Variants in SMAP1 observed in about 807,000 individuals in gnomAD.
SMAP1 encodes small ArfGAP 1.
SMAP1 carries 24 observed loss-of-function variants against 58.5 expected under a neutral mutation model. That is an observed-to-expected ratio of 0.41 (90% CI 0.30 to 0.58). SMAP1 has a LOEUF of 0.58. Ranked by LOEUF, SMAP1 falls within the 20% of genes least tolerant of loss-of-function variation. SMAP1 has a pLI of 0.29. For synonymous variants in SMAP1, 216 were observed against 196.6 expected (o/e 1.10, Z -0.82); for missense variants, 563 against 566.3 (o/e 0.99, Z 0.06).
chr6:70,752,726 T>C lies in SMAP1; in HGVS notation c.253-2254T>C, dbSNP rs979579621. ...CCAATCTTTCATTTTCACTGGTTCT[T>C]TCACTGCTCCCCTACCTCCCACCCT... On this transcript the variant is annotated intron_variant, in intron 2 of 10. Transcript: ENST00000370455. 2.4e-4 allele frequency among the ~76,000 whole-genome samples: 36 copies of C among 152,020 alleles called. 1 individual carries two copies. Among genetic ancestry groups the C allele is most frequent in the Admixed American group, 2.0e-3 (31 of 15,248 alleles).
chr6:70,858,727 G>C (rs1401982906), intron 10 of SMAP1: 1 of 153,300 alleles, frequency 6.5e-6, no homozygotes, highest in Non-Finnish European at 1.5e-5. Flanking sequence ...TTTCAGGTCG[G>C]ATGATTACTG....
At chr6:70,691,999 A>G (rs1767189462) in intron 1 of SMAP1, among the ~76,000 whole-genome samples, 1 of 152,238 alleles carries the variant, frequency 6.6e-6, no homozygotes, top group Admixed American at 6.5e-5. Context: ...GCTGGATCGT[A>G]TGGTAGGTCT....
intron 4 of SMAP1, among the ~76,000 whole-genome samples, chr6:70,775,750 C>T (rs1245243679): frequency 2.0e-5 from 3 of 151,906 alleles, no homozygotes; most frequent in Non-Finnish European, 4.4e-5. Context: ...GTTTATAGTA[C>T]TATTGAAATA....
Position 70,676,850 on chromosome 6 carries a change from A to G in SMAP1, c.118+8709A>G, listed in dbSNP as rs537121575. 9.5e-4 allele frequency among the ~76,000 whole-genome samples: 145 copies of G among 152,088 alleles called. 1 individual carries two copies. The highest frequency in any genetic ancestry group is 4.9e-4 in the Non-Finnish European group (33 of 68,028). Reference sequence around the variant, plus strand: ...CAGGCTGGGGTGCAGTGGCGTGATCATAGCCCATTGCGGCCTCTAACTTCT... The same window carrying G: ...CAGGCTGGGGTGCAGTGGCGTGATCGTAGCCCATTGCGGCCTCTAACTTCT... On this transcript the variant is annotated intron_variant, in intron 1 of 10. Coordinates refer to ENST00000370455, the MANE Select transcript of SMAP1 (RefSeq NM_001044305.3).
intron 1 of SMAP1, among the ~76,000 whole-genome samples, chr6:70,684,502 TA>T (rs1766852687): frequency 6.6e-6 from 1 of 152,230 alleles, no homozygotes; most frequent in Admixed American, 6.5e-5. Flanking sequence ...TCTTAAAAAT[TA>T]AGCTTCATTT....
intron 2 of SMAP1, among the ~76,000 whole-genome samples, chr6:70,749,324 TG>T (rs1766179483): frequency 6.6e-6 from 1 of 152,118 alleles, no homozygotes; most frequent in Admixed American, 6.6e-5. Context: ...ACCTGACGTG[TG>T]GGTATTACGA....
At chr6:70,800,819 A>C (rs894132656) in intron 6 of SMAP1, among the ~76,000 whole-genome samples, 38 of 152,256 alleles carry the variant, frequency 2.5e-4, no homozygotes, top group African/African-American at 8.9e-4. Flanking sequence ...TTCCAGCTTC[A>C]TCCATGTCCC....
intron 1 of SMAP1, among the ~76,000 whole-genome samples, chr6:70,728,746 C>T (rs966709882): frequency 1.3e-5 from 2 of 152,116 alleles, no homozygotes; most frequent in Non-Finnish European, 2.9e-5. Flanking sequence ...TAGAGGAAAA[C>T]AGGAAACTGT....
chr6:70,757,656 C>G, intron 3 of SMAP1, among the ~76,000 whole-genome samples: 1 of 151,892 alleles, frequency 6.6e-6, no homozygotes, highest in Admixed American at 6.6e-5. Flanking sequence ...CTACAATGAA[C>G]TCAAACAAAT....
intron 1 of SMAP1, among the ~76,000 whole-genome samples, chr6:70,687,689 T>G (rs1483715264): frequency 6.6e-6 from 1 of 152,148 alleles, no homozygotes; most frequent in Non-Finnish European, 1.5e-5. Flanking sequence ...CATAGACACT[T>G]GACCCAGTTT....
At chr6:70,816,045 T>G (rs1178187869) in intron 6 of SMAP1, among the ~76,000 whole-genome samples, 1 of 152,074 alleles carries the variant, frequency 6.6e-6, no homozygotes, top group Non-Finnish European at 1.5e-5. Context: ...TATGATACAA[T>G]AGGAGACAGA....
At chr6:70,777,395 TG>T (rs1767591234) in intron 4 of SMAP1, among the ~76,000 whole-genome samples, 1 of 152,218 alleles carries the variant, frequency 6.6e-6, no homozygotes, top group South Asian at 2.1e-4. Context: ...TTTATGTACT[TG>T]TTGGCCATTT....
chr6:70,785,026 A>C (rs987828955), intron 4 of SMAP1, among the ~76,000 whole-genome samples: 2 of 152,178 alleles, frequency 1.3e-5, no homozygotes, highest in African/African-American at 4.8e-5. Flanking sequence ...CACCACACCT[A>C]TTCCCAAATT....
chr6:70,772,289 T>C (rs903829642), intron 3 of SMAP1, among the ~76,000 whole-genome samples: 1 of 152,204 alleles, frequency 6.6e-6, no homozygotes, highest in Non-Finnish European at 1.5e-5. Flanking sequence ...GCCTCAACTG[T>C]CATTTTAAAA....
chr6:70,786,489 A>C (rs1343239032), intron 4 of SMAP1, among the ~76,000 whole-genome samples: 2 of 139,344 alleles, frequency 1.4e-5, no homozygotes, highest in African/African-American at 5.6e-5. Context: ...AGGGTTATTC[A>C]ATTAGGAAAA....
chr6:70,678,268 T>C (rs1279716340), intron 1 of SMAP1, among the ~76,000 whole-genome samples: 51 of 152,230 alleles, frequency 3.4e-4, no homozygotes, highest in Non-Finnish European at 8.8e-5. Context: ...AGATGTCTCT[T>C]ATTGATCTTT....
In SMAP1 at chr6:70,728,329, G is replaced by T. The variant is rs1208913466; in HGVS notation, c.119-4049G>T. On this transcript the variant is annotated intron_variant, in intron 1 of 10. Coordinates refer to ENST00000370455, the MANE Select transcript of SMAP1 (RefSeq NM_001044305.3). Reference sequence around the variant, plus strand: ...TCTACAGGAGAGGCTGAGAAATGTAGTCTTCCTATCAGGACAGCCACATTT... The same window carrying T: ...TCTACAGGAGAGGCTGAGAAATGTATTCTTCCTATCAGGACAGCCACATTT... 2.0e-5 allele frequency among the ~76,000 whole-genome samples: 3 copies of T among 152,210 alleles called. No individual in the cohort carries two copies. In the South Asian group the frequency reaches 6.2e-4, roughly 31 times the overall value.
Position 70,667,945 on chromosome 6 carries a change from A to T in SMAP1, c.-79A>T. 7.9e-7 allele frequency: 1 copy of T among 1,270,480 alleles called. No homozygotes were observed. Among genetic ancestry groups the T allele is most frequent in the Admixed American group, 2.3e-5 (1 of 43,456 alleles). The allele number at this position is 1,270,480 out of a possible 1,614,324, so 78.7% of individuals were successfully genotyped here. A position where few individuals can be genotyped will look rare whatever the true frequency, so the allele number is the denominator to read the frequency against. On this transcript the variant is annotated 5_prime_UTR_variant, in exon 1 of 11. Coordinates refer to ENST00000370455, the MANE Select transcript of SMAP1 (RefSeq NM_001044305.3). ...GTCCGCCCGCGGTCCCGGCGGCGCC[A>T]GGTGCGTTCACTCTGCCCGGCTCCA...
chr6:70,856,055 G>A (rs1425659952), intron 8 of SMAP1, among the ~76,000 whole-genome samples: 1 of 152,090 alleles, frequency 6.6e-6, no homozygotes, highest in Non-Finnish European at 1.5e-5. Flanking sequence ...GTTTGAGAAG[G>A]ATCAGCCAGC....
Sources: allele counts gnomAD v4.1 joint callset (sites outside exome capture counted in the v4.1 genomes callset), GRCh38; gene constraint gnomAD v4.1.1; transcripts MANE v1.5; gene names NCBI Gene and HGNC (gene_info 2026-07-23, HGNC 2026-07-21).